NALCN: variants seen among roughly 807,000 people sequenced by gnomAD.
The protein encoded by NALCN is sodium leak channel NALCN.
Under a neutral mutation model 225.3 loss-of-function variants are expected in NALCN, and 111 were observed. The observed-to-expected ratio is 0.49, with a 90% CI of 0.42 to 0.58. The LOEUF (loss-of-function observed/expected upper bound fraction) is 0.58, where lower values mean the gene tolerates loss of function less well. Ranked by LOEUF, NALCN falls within the 20% of genes least tolerant of loss-of-function variation. NALCN has a pLI of 0.00. For synonymous variants in NALCN, 764 were observed against 769.0 expected (o/e 0.99, Z 0.11); for missense variants, 1,378 against 2,202.4 (o/e 0.63, Z 7.49).
At chr13:101,412,052 A>G (rs2047804014) in intron 1 of NALCN, among the ~76,000 whole-genome samples, 1 of 152,192 alleles carries the variant, frequency 6.6e-6, no homozygotes, top group East Asian at 1.9e-4. Context: ...ATGATGGTGA[A>G]ATATTTTTCT....
At position 101,259,765 on chromosome 13, in the gene NALCN, A is replaced by AATAT. The variant is rs10622708; in HGVS notation, c.1135-1195_1135-1192dup. ...ATATATATATATACACACACACATA[A>AATAT]ATATATATATATACACATATATATT... On this transcript the variant is annotated intron_variant, in intron 10 of 43. Coordinates refer to ENST00000251127, the MANE Select transcript of NALCN (RefSeq NM_052867.4). Among the ~76,000 whole-genome samples, 470 of 111,990 alleles carry AATAT rather than the reference A, an allele frequency of 4.2e-3. 5 individuals carry two copies. The highest frequency in any genetic ancestry group is 0.018 in the South Asian group (58 of 3,232). The allele number at this position is 111,990 out of a possible 152,430, so 73.5% of individuals were successfully genotyped here.
intron 14 of NALCN, among the ~76,000 whole-genome samples, chr13:101,178,350 T>C (rs774952638): frequency 3.9e-5 from 6 of 152,152 alleles, no homozygotes; most frequent in Non-Finnish European, 8.8e-5. Context: ...CAAACATGAA[T>C]CTAAAAAAAG....
At chr13:101,363,434 T>A (rs545436923) in intron 6 of NALCN, among the ~76,000 whole-genome samples, 16 of 152,114 alleles carry the variant, frequency 1.1e-4, no homozygotes, top group African/African-American at 3.9e-4. Flanking sequence ...AATAAATACA[T>A]GCTTTTACAG....
At chr13:101,289,007 T>C (rs1181547683) in intron 9 of NALCN, among the ~76,000 whole-genome samples, 2 of 152,196 alleles carry the variant, frequency 1.3e-5, no homozygotes, top group Admixed American at 6.5e-5. Context: ...ACTCAGGACT[T>C]CGTCTTTCAG....
In NALCN at chr13:101,406,282, T is replaced by A. The variant is rs146234549; in HGVS notation, c.-39-7117A>T. Reference sequence around the variant, plus strand: ...TAGAGGCTGCAATGAGCCAAGATCATACTACTGCCCCTCAGCCTGGGTGAC... The same window carrying A: ...TAGAGGCTGCAATGAGCCAAGATCAAACTACTGCCCCTCAGCCTGGGTGAC... On this transcript the variant is annotated intron_variant, in intron 1 of 43. Transcript: ENST00000251127. Among the ~76,000 whole-genome samples, 1,145 of 152,084 alleles carry A rather than the reference T, an allele frequency of 7.5e-3. 10 individuals carry two copies. Among genetic ancestry groups the A allele is most frequent in the Non-Finnish European group, 0.012 (842 of 67,984 alleles).
intron 40 of NALCN, among the ~76,000 whole-genome samples, chr13:101,062,946 A>G (rs1436161608): frequency 6.6e-6 from 1 of 152,218 alleles, no homozygotes; most frequent in Non-Finnish European, 1.5e-5. Flanking sequence ...CCAGGGTTGA[A>G]TATCCACTCC....
At chr13:101,301,696 C>G (rs825904) in intron 7 of NALCN, among the ~76,000 whole-genome samples, 30,258 of 148,282 alleles carry the variant, frequency 0.2, 3,508 homozygotes, top group African/African-American at 0.33. Flanking sequence ...ACTCCAGCCT[C>G]GGGGACAGAG....
intron 30 of NALCN, among the ~76,000 whole-genome samples, chr13:101,086,096 T>C (rs2033915906): frequency 6.6e-6 from 1 of 152,126 alleles, no homozygotes; most frequent in Non-Finnish European, 1.5e-5. Context: ...TAGAGGTTTA[T>C]TGACTTGATT....
At position 101,104,806 on chromosome 13, in the gene NALCN, TAA is replaced by T. The variant is rs2035012400; in HGVS notation, c.2636+86_2636+87del. On this transcript the variant is annotated intron_variant, in intron 23 of 43. Transcript: ENST00000251127. The surrounding 1 kb of genome is among the most constrained non-coding windows in gnomAD (Gnocchi z 4.2). ...TTCATAGCACTATATAGCAAGAAAA[TAA>T]AAGAGAATTTTAATCGTTGTATGCA... is the stretch of plus-strand genomic sequence containing the variant. 2.6e-6 allele frequency: 4 copies of T among 1,564,502 alleles called. No homozygotes were observed. The South Asian group carries it at 3.4e-5, about 13-fold the overall frequency.
At chr13:101,299,848 T>G (rs1461136647) in intron 7 of NALCN, among the ~76,000 whole-genome samples, 1 of 152,186 alleles carries the variant, frequency 6.6e-6, no homozygotes, top group Non-Finnish European at 1.5e-5. Flanking sequence ...AAAAAAATTT[T>G]AGCCAAAGGT....
chr13:101,345,737 A>AATATATATATATATAT lies in NALCN; in HGVS notation c.645-333_645-318dup, dbSNP rs10560892. On this transcript the variant is annotated intron_variant, in intron 6 of 43. Transcript: ENST00000251127. The stretch of plus-strand genomic sequence containing the variant: ...ATCTATCTAAGAGTACAGCAAAGAG[A>AATATATATATATATAT]ATATATATATATATATATATATATA... Among the ~76,000 whole-genome samples, 352 of 86,576 alleles carry AATATATATATATATAT rather than the reference A, an allele frequency of 4.1e-3. 2 individuals are homozygous for AATATATATATATATAT. Among genetic ancestry groups the AATATATATATATATAT allele is most frequent in the East Asian group, 1.0e-2 (20 of 2,002 alleles). The allele number at this position is 86,576 out of a possible 152,430, so 56.8% of individuals were successfully genotyped here.
At chr13:101,324,101 A>G (rs980024323) in intron 7 of NALCN, among the ~76,000 whole-genome samples, 3 of 152,206 alleles carry the variant, frequency 2.0e-5, no homozygotes, top group African/African-American at 7.2e-5. Flanking sequence ...ATGCAACCAG[A>G]GGGTAAAAAA....
intron 7 of NALCN, among the ~76,000 whole-genome samples, chr13:101,338,421 A>T (rs1428803047): frequency 6.6e-6 from 1 of 152,192 alleles, no homozygotes; most frequent in Non-Finnish European, 1.5e-5. Context: ...TTCCTAAGTG[A>T]CTTTTCAGGA....
chr13:101,096,473 G>A (rs181308473), intron 27 of NALCN, among the ~76,000 whole-genome samples: 124 of 152,240 alleles, frequency 8.1e-4, no homozygotes, highest in African/African-American at 2.8e-3. Flanking sequence ...AGTCACAAAA[G>A]ACCATATGTT....
intron 35 of NALCN, 29 bp from the exon 36 acceptor site, chr13:101,074,691 AC>A (rs769398105): frequency 6.4e-6 from 10 of 1,567,248 alleles, no homozygotes; most frequent in Admixed American, 1.9e-5. Context: ...AAGCGGGGAG[AC>A]AGAGAGAGAG....
At chr13:101,365,189 C>T (rs1313488854) in intron 6 of NALCN, among the ~76,000 whole-genome samples, 3 of 152,154 alleles carry the variant, frequency 2.0e-5, no homozygotes, top group Non-Finnish European at 4.4e-5. Context: ...CAGTCCTCAC[C>T]TTCCTCTCAT....
At chr13:101,197,402 T>C (rs2039936374) in intron 13 of NALCN, among the ~76,000 whole-genome samples, 1 of 152,168 alleles carries the variant, frequency 6.6e-6, no homozygotes, top group East Asian at 1.9e-4. Flanking sequence ...TTCCTTACTG[T>C]AGTTATGCTG....
intron 41 of NALCN, among the ~76,000 whole-genome samples, chr13:101,061,736 G>A (rs1399827535): frequency 6.6e-6 from 1 of 152,140 alleles, no homozygotes. Flanking sequence ...GGATTCCATG[G>A]AAACTCCTAA....
chr13:101,279,503 G>A (rs1796507876), intron 10 of NALCN, among the ~76,000 whole-genome samples: 1 of 152,154 alleles, frequency 6.6e-6, no homozygotes, highest in African/African-American at 2.4e-5. Context: ...ATGAGAACAT[G>A]TTCACATTTT....
Sources: gnomAD v4.1 joint callset for allele counts (sites outside exome capture counted in the v4.1 genomes callset) on GRCh38, gnomAD v4.1.1 for gene constraint, Gnocchi (gnomAD v3.1) non-coding constraint, MANE v1.5 for transcripts, NCBI Gene and HGNC (gene_info 2026-07-23, HGNC 2026-07-21) for gene names.